Variants in CTNNA3 observed in about 807,000 individuals in gnomAD.
CTNNA3 encodes catenin alpha 3, also known as catenin alpha-3.
CTNNA3 carries 76 observed loss-of-function variants against 95.7 expected under a neutral mutation model. The ratio of observed to expected loss-of-function variants is 0.79; its 90% CI spans 0.66 to 0.96. CTNNA3 has a LOEUF of 0.96. CTNNA3 is among the 40% of genes least tolerant of loss of function. The probability of loss-of-function intolerance (pLI) is 0.00; values close to 1 mark genes in which losing one functional copy is unlikely to be tolerated. For synonymous variants in CTNNA3, 431 were observed against 374.4 expected (o/e 1.15, Z -1.74); for missense variants, 1,191 against 1,089.8 (o/e 1.09, Z -1.31).
intron 6 of CTNNA3, among the ~76,000 whole-genome samples, chr10:67,194,939 A>G (rs77128255): frequency 0.086 from 13,073 of 152,038 alleles, 664 homozygotes; most frequent in South Asian, 0.2. Flanking sequence ...CTTTAATACT[A>G]AAAGGCTGAA....
intron 10 of CTNNA3, among the ~76,000 whole-genome samples, chr10:66,582,621 C>T (rs1416240941): frequency 1.3e-5 from 2 of 151,630 alleles, no homozygotes; most frequent in Non-Finnish European, 3.0e-5. Flanking sequence ...AAATCGAATG[C>T]CCTTTATTTA....
intron 7 of CTNNA3, among the ~76,000 whole-genome samples, chr10:66,871,174 C>T (rs1844388194): frequency 6.6e-6 from 1 of 152,156 alleles, no homozygotes; most frequent in Admixed American, 6.6e-5. Context: ...ATAAAGCTGA[C>T]CATCTTAGGT....
intron 15 of CTNNA3, among the ~76,000 whole-genome samples, chr10:65,997,510 G>A (rs1180220693): frequency 2.6e-5 from 4 of 152,056 alleles, no homozygotes; most frequent in African/African-American, 4.8e-5. Flanking sequence ...ATCTGATCTT[G>A]TTTGCCCATT....
chr10:67,685,723 G>A (rs1235498648), intron 1 of CTNNA3, among the ~76,000 whole-genome samples: 1 of 152,150 alleles, frequency 6.6e-6, no homozygotes. Flanking sequence ...GCTTTTAAAG[G>A]AATAGGGTAC....
At chr10:66,785,961 G>C (rs1302110900) in intron 7 of CTNNA3, among the ~76,000 whole-genome samples, 1 of 152,088 alleles carries the variant, frequency 6.6e-6, no homozygotes, top group Admixed American at 6.5e-5. Flanking sequence ...AGGCAGGGAG[G>C]AGGAGAGTAG....
At chr10:67,186,790 G>A (rs1220103901) in intron 6 of CTNNA3, among the ~76,000 whole-genome samples, 1 of 152,012 alleles carries the variant, frequency 6.6e-6, no homozygotes. Flanking sequence ...CCTTTTTTAA[G>A]GTTCCACTCA....
chr10:67,415,427 G>A (rs933062023), intron 5 of CTNNA3, among the ~76,000 whole-genome samples: 2 of 152,046 alleles, frequency 1.3e-5, no homozygotes, highest in Non-Finnish European at 2.9e-5. Context: ...AAGTATCTAG[G>A]AATACAGCTA....
chr10:66,086,797 A>T (rs1903881), intron 14 of CTNNA3, among the ~76,000 whole-genome samples: 123,703 of 152,000 alleles, frequency 0.81, 50,436 homozygotes, highest in South Asian at 0.92. Context: ...TTGGAAGATT[A>T]TTGTTAGTCA....
chr10:66,417,240 T>C (rs2093154602), intron 11 of CTNNA3, among the ~76,000 whole-genome samples: 1 of 151,972 alleles, frequency 6.6e-6, no homozygotes. Context: ...GAGGTAGCTA[T>C]ACTCATATCA....
intron 5 of CTNNA3, among the ~76,000 whole-genome samples, chr10:67,471,841 G>T (rs1314779725): frequency 6.6e-6 from 1 of 152,138 alleles, no homozygotes; most frequent in East Asian, 1.9e-4. Flanking sequence ...GCCAGAAACT[G>T]TTCTAGGGTC....
At chr10:66,876,483 T>C (rs1030205861) in intron 7 of CTNNA3, among the ~76,000 whole-genome samples, 2 of 152,176 alleles carry the variant, frequency 1.3e-5, no homozygotes, top group Non-Finnish European at 2.9e-5. Flanking sequence ...GCAATCCTTA[T>C]TTGACCTAAT....
At chr10:66,381,830 A>T (rs1243935747) in intron 11 of CTNNA3, among the ~76,000 whole-genome samples, 1 of 152,204 alleles carries the variant, frequency 6.6e-6, no homozygotes, top group African/African-American at 2.4e-5. Context: ...AACAGAAAGC[A>T]TATGTATATT....
At chr10:66,845,178 T>C (rs1302306976) in intron 7 of CTNNA3, among the ~76,000 whole-genome samples, 1 of 151,902 alleles carries the variant, frequency 6.6e-6, no homozygotes, top group Non-Finnish European at 1.5e-5. Context: ...TACTAGGCAA[T>C]GAGAAGAAAG....
chr10:66,605,885 C>A (rs1240901548), intron 10 of CTNNA3, among the ~76,000 whole-genome samples: 1 of 152,100 alleles, frequency 6.6e-6, no homozygotes, highest in Non-Finnish European at 1.5e-5. Context: ...CACTATAAAG[C>A]AACCACACAA....
intron 17 of CTNNA3, among the ~76,000 whole-genome samples, chr10:65,923,047 C>T (rs2077114623): frequency 6.6e-6 from 1 of 152,114 alleles, no homozygotes; most frequent in East Asian, 1.9e-4. Flanking sequence ...CACCTCCCTC[C>T]CTCAATATGT....
chr10:66,913,187 C>G (rs780396749), intron 7 of CTNNA3, among the ~76,000 whole-genome samples: 2 of 118,248 alleles, frequency 1.7e-5, no homozygotes, highest in Non-Finnish European at 3.2e-5. Context: ...TGCAGTGAGC[C>G]GAGATCGCGC....
chr10:66,260,967 A>C (rs2090974124), intron 13 of CTNNA3, among the ~76,000 whole-genome samples: 1 of 152,096 alleles, frequency 6.6e-6, no homozygotes, highest in Non-Finnish European at 1.5e-5. Flanking sequence ...CCCTGTTGGA[A>C]CAGTGTATAT....
Position 66,036,862 on chromosome 10 carries a change from A to ATTTT in CTNNA3, c.2159+32442_2159+32445dup, listed in dbSNP as rs57081880. 2.1e-4 allele frequency among the ~76,000 whole-genome samples: 20 copies of ATTTT among 95,700 alleles called. 4 individuals are homozygous for ATTTT. The highest frequency in any genetic ancestry group is 4.5e-4 in the South Asian group (1 of 2,230). 62.8% of individuals were successfully genotyped at this position (95,700 alleles called of 152,430 possible). On this transcript the variant is annotated intron_variant, in intron 15 of 17. Transcript: ENST00000433211. ...GCATAAAATTTATATAGTAGTTCCA[A>ATTTT]TTTTTTTTTTTTTTTTTTTTTTTTT...
At chr10:66,498,167 G>A (rs977563844) in intron 11 of CTNNA3, among the ~76,000 whole-genome samples, 13 of 151,852 alleles carry the variant, frequency 8.6e-5, no homozygotes, top group African/African-American at 2.2e-4. Flanking sequence ...CAATGACAAC[G>A]AAATCTCAAT....
Sources: allele counts gnomAD v4.1 joint callset (sites outside exome capture counted in the v4.1 genomes callset), GRCh38; gene constraint gnomAD v4.1.1; transcripts MANE v1.5; gene names NCBI Gene and HGNC (gene_info 2026-07-23, HGNC 2026-07-21).